Variants in STX6 observed in about 807,000 individuals in gnomAD.
STX6 encodes the protein syntaxin 6.
A neutral mutation model predicts 38.0 loss-of-function variants in STX6; 23 were observed. The observed-to-expected ratio is 0.60, with a 90% confidence interval of 0.43 to 0.86. The LOEUF (loss-of-function observed/expected upper bound fraction) is 0.86. STX6 is among the 40% of genes least tolerant of loss of function. The pLI, the probability that STX6 is intolerant of heterozygous loss-of-function variation, is 0.00. For missense variants in STX6, 274 were observed against 312.9 expected, an observed-to-expected ratio of 0.88 and a Z score of 0.94; for synonymous variants, 123 against 107.5, an observed-to-expected ratio of 1.14 and a Z score of -0.89.
Position 181,005,412 on chromosome 1 carries a change from T to C in STX6, c.87A>G (p.Thr29=). 1.9e-6 allele frequency: 3 copies of C among 1,614,096 alleles called. 1 individual carries two copies. The highest frequency in any genetic ancestry group is 2.5e-6 in the Non-Finnish European group (3 of 1,179,958). Residue 29 remains threonine (T), a synonymous_variant, in exon 2 of 8, where the codon ACA becomes ACG. Transcript: ENST00000258301. ...NTAQGLFQRW[T]ELLQDPSTAT... ...CTGTGGAGGGGTCCTGGAGGAGCTC[T>C]GTCCATCTCTGAAACAATCCCTGGG...
intron 2 of STX6, 165 bp downstream of exon 2, chr1:181,005,129 C>T (rs1656188477): frequency 1.1e-6 from 1 of 904,078 alleles, no homozygotes; most frequent in Non-Finnish European, 1.3e-6. Flanking sequence ...GGCTACTGTA[C>T]CTTAAGTTAC....
At chr1:180,978,849 T>C (rs1655323778) in intron 7 of STX6, among the ~76,000 whole-genome samples, 1 of 151,976 alleles carries the variant, frequency 6.6e-6, no homozygotes, top group African/African-American at 2.4e-5. Flanking sequence ...CCATCTATGG[T>C]AAAGGTCTAT....
At chr1:181,020,696 G>A (rs1449417378) in intron 1 of STX6, among the ~76,000 whole-genome samples, 1 of 152,178 alleles carries the variant, frequency 6.6e-6, no homozygotes, top group Non-Finnish European at 1.5e-5. Context: ...TTCCCAAGGA[G>A]TTACCTTTCT....
chr1:180,982,078 C>T (rs975008302), intron 7 of STX6, among the ~76,000 whole-genome samples: 3 of 152,168 alleles, frequency 2.0e-5, no homozygotes, highest in African/African-American at 7.2e-5. Context: ...TCTCTTGGGT[C>T]ATTCAAAAAA....
At chr1:181,014,321 G>A (rs371790163) in intron 1 of STX6, among the ~76,000 whole-genome samples, 1 of 151,688 alleles carries the variant, frequency 6.6e-6, no homozygotes, top group Non-Finnish European at 1.5e-5. Flanking sequence ...TTGAACCCAG[G>A]AGGCGAAGGT....
intron 3 of STX6, among the ~76,000 whole-genome samples, chr1:180,997,321 A>G (rs1348105509): frequency 6.6e-6 from 1 of 152,258 alleles, no homozygotes; most frequent in Non-Finnish European, 1.5e-5. Flanking sequence ...GCTACTGAGC[A>G]CTTAAAATGT....
In STX6 at chr1:181,014,445, T is replaced by G. The variant is rs189338975; in HGVS notation, c.35+8194A>C. 3.9e-4 allele frequency among the ~76,000 whole-genome samples: 59 copies of G among 152,144 alleles called. No homozygotes were observed. In the East Asian group the frequency reaches 0.011, roughly 27 times the overall value. On this transcript the variant is annotated intron_variant, in intron 1 of 7. Coordinates refer to ENST00000258301, the MANE Select transcript of STX6 (RefSeq NM_005819.6). ...GAAAAGCAACACAGGACAGAACATTTATTGGTGCAGCCATCAATGGAAAAA... is the reference window on the plus strand; with the variant it reads ...GAAAAGCAACACAGGACAGAACATTGATTGGTGCAGCCATCAATGGAAAAA...
chr1:180,980,545 C>CTTTTTTTTT (rs773403625), intron 7 of STX6: 2 of 39,128 alleles, frequency 5.1e-5, no homozygotes, highest in Non-Finnish European at 9.0e-5. Flanking sequence ...AAAACCTGCA[C>CTTTTTTTTT]TTTTTTTTTT....
chr1:181,009,725 G>C (rs1656339295), intron 1 of STX6, among the ~76,000 whole-genome samples: 2 of 151,850 alleles, frequency 1.3e-5, no homozygotes, highest in South Asian at 4.1e-4. Context: ...ATTTGGAAGA[G>C]AGTTTGGTTG....
intron 7 of STX6, among the ~76,000 whole-genome samples, chr1:180,980,903 ACTG>A (rs1324704860): frequency 1.3e-5 from 2 of 152,220 alleles, no homozygotes; most frequent in Non-Finnish European, 2.9e-5. Flanking sequence ...TTAGATGCAC[ACTG>A]CTAAGTGAGA....
chr1:181,018,012 T>G (rs1348582017), intron 1 of STX6, among the ~76,000 whole-genome samples: 2 of 152,152 alleles, frequency 1.3e-5, no homozygotes, highest in Non-Finnish European at 2.9e-5. Flanking sequence ...AGGATGAACA[T>G]TTATATGACA....
At chr1:181,018,298 G>A (rs1558101657) in intron 1 of STX6, among the ~76,000 whole-genome samples, 1 of 144,884 alleles carries the variant, frequency 6.9e-6, no homozygotes, top group South Asian at 2.1e-4. Context: ...CAGGAGAATC[G>A]CTTGAACCCA....
Position 181,022,682 on chromosome 1 carries a change from G to A in STX6, c.-9C>T, listed in dbSNP as rs540179243. The A allele has an allele frequency of 4.0e-5, 64 of 1,606,730 alleles. 1 individual carries two copies. The highest frequency in any genetic ancestry group is 3.9e-4 in the Admixed American group (23 of 59,342). On this transcript the variant is annotated 5_prime_UTR_variant, in exon 1 of 8. Coordinates refer to ENST00000258301, the MANE Select transcript of STX6 (RefSeq NM_005819.6). ...GGGTCCTCCATGGACATGGCGTCCC[G>A]GCCCCGGCCGCCTTCACCTCCTCCG... is the stretch of plus-strand genomic sequence containing the variant.
rs890339437 is a variant in STX6, at chr1:181,002,844, A to G, written c.206-144T>C. On this transcript the variant is annotated intron_variant, in intron 2 of 7. Transcript: ENST00000258301. ...AGTCAGCTGGACACCAATCATTCTC[A>G]GACTTCCTCTGCCCACAGCCACAGG... 4.3e-5 allele frequency: 26 copies of G among 599,148 alleles called. No individual in the cohort carries two copies. In the African/African-American group the frequency reaches 4.8e-4, roughly 11 times the overall value. The allele number at this position is 599,148 out of a possible 1,614,324, so 37.1% of individuals were successfully genotyped here. A position where few individuals can be genotyped will look rare whatever the true frequency, so the allele number is the denominator to read the frequency against.
At chr1:180,988,147 C>T (rs1415258593) in intron 6 of STX6, 92 bp downstream of exon 6, 2 of 815,946 alleles carry the variant, frequency 2.5e-6, no homozygotes. Flanking sequence ...TTTGATTTTA[C>T]CAGCCACGTA....
chr1:180,979,162 A>G (rs867429067), intron 7 of STX6, among the ~76,000 whole-genome samples: 1 of 152,234 alleles, frequency 6.6e-6, no homozygotes, highest in African/African-American at 2.4e-5. Flanking sequence ...GAATGCCCCT[A>G]ATGGGCTCAT....
intron 7 of STX6, chr1:180,980,577 CAG>C (rs1655381311): frequency 1.7e-5 from 1 of 58,502 alleles, no homozygotes; most frequent in South Asian, 5.4e-4. Context: ...TTTTTTGAGA[CAG>C]AGTCTCCCTC....
Position 180,974,424 on chromosome 1 carries a change from A to C in STX6, c.*2146T>G, listed in dbSNP as rs1357103330. Reference sequence around the variant, plus strand: ...TTTGAAATATATCCAAACATCATTAAGCCTCTGGGTCATAAAACTTGGTCC... The same window carrying C: ...TTTGAAATATATCCAAACATCATTACGCCTCTGGGTCATAAAACTTGGTCC... On this transcript the variant is annotated 3_prime_UTR_variant, in exon 8 of 8. Coordinates refer to ENST00000258301, the MANE Select transcript of STX6 (RefSeq NM_005819.6). 1 of 152,684 alleles carries C rather than the reference A, an allele frequency of 6.5e-6. No homozygotes were observed. The highest frequency in any genetic ancestry group is 2.4e-5 in the African/African-American group (1 of 41,472). 9.5% of individuals were successfully genotyped at this position (152,684 alleles called of 1,614,324 possible). A position where few individuals can be genotyped will look rare whatever the true frequency, so the allele number is the denominator to read the frequency against.
chr1:181,018,257 T>A lies in STX6; in HGVS notation c.35+4382A>T, dbSNP rs191868316. The stretch of plus-strand genomic sequence containing the variant: ...AATTAGCCAGGCATAGTGGCGCACA[T>A]TGGTAGTCCCAGCTACTTGGGAGGG... On this transcript the variant is annotated intron_variant, in intron 1 of 7. Transcript: ENST00000258301. Among the ~76,000 whole-genome samples, 29 of 151,296 alleles carry A rather than the reference T, an allele frequency of 1.9e-4. No individual in the cohort carries two copies. In the Middle Eastern group the frequency reaches 0.01, roughly 53 times the overall value.
Sources: allele counts gnomAD v4.1 joint callset (sites outside exome capture counted in the v4.1 genomes callset), GRCh38; gene constraint gnomAD v4.1.1; transcripts MANE v1.5; gene names NCBI Gene and HGNC (gene_info 2026-07-23, HGNC 2026-07-21).